The following TRABD2B variants were observed in gnomAD, a reference collection of about 807,000 sequenced individuals.
TRABD2B encodes the protein TraB domain containing 2B.
In TRABD2B, 14 loss-of-function variants were observed where a neutral mutation model predicts 40.1. The ratio of observed to expected loss-of-function variants is 0.35; its 90% confidence interval spans 0.23 to 0.55. TRABD2B has a LOEUF of 0.55. Among genes scored for constraint, TRABD2B ranks in the 20% least tolerant of loss-of-function variants. The pLI is 0.90. For missense variants in TRABD2B, 541 were observed against 648.6 expected, an observed-to-expected ratio of 0.83 and a Z score of 1.80; for synonymous variants, 263 against 277.0, an observed-to-expected ratio of 0.95 and a Z score of 0.50.
At chr1:47,885,888 G>A (rs922336978) in intron 2 of TRABD2B, among the ~76,000 whole-genome samples, 3 of 152,156 alleles carry the variant, frequency 2.0e-5, no homozygotes, top group Non-Finnish European at 4.4e-5. Flanking sequence ...CTCATGCTCC[G>A]TTACCAAATG....
At chr1:47,769,087 C>A (rs1456961324) in intron 6 of TRABD2B, among the ~76,000 whole-genome samples, 1 of 152,230 alleles carries the variant, frequency 6.6e-6, no homozygotes, top group Non-Finnish European at 1.5e-5. Flanking sequence ...CTCATCTGGC[C>A]TCAGCCCCTG....
At chr1:47,816,308 G>A (rs1187878067) in intron 2 of TRABD2B, among the ~76,000 whole-genome samples, 2 of 152,064 alleles carry the variant, frequency 1.3e-5, no homozygotes, top group South Asian at 2.1e-4. Flanking sequence ...GTGAGACCAC[G>A]GCACTCTCCC....
chr1:47,962,180 G>A (rs574718269), intron 2 of TRABD2B, among the ~76,000 whole-genome samples: 36 of 151,648 alleles, frequency 2.4e-4, no homozygotes, highest in East Asian at 5.9e-4. Flanking sequence ...ACTTGGACAC[G>A]GGAAGGGGAA....
chr1:47,992,236 G>C (rs1646022586), intron 2 of TRABD2B, among the ~76,000 whole-genome samples: 1 of 152,180 alleles, frequency 6.6e-6, no homozygotes, highest in Non-Finnish European at 1.5e-5. Flanking sequence ...TCAAACATGA[G>C]CTTTGGAGAC....
intron 2 of TRABD2B, among the ~76,000 whole-genome samples, chr1:47,831,595 C>T (rs2211197): frequency 0.26 from 39,201 of 151,898 alleles, 5,374 homozygotes; most frequent in Non-Finnish European, 0.3. Flanking sequence ...GGTGATCACT[C>T]CCCCCTCTCT....
intron 2 of TRABD2B, among the ~76,000 whole-genome samples, chr1:47,828,154 C>T (rs552067516): frequency 5.9e-5 from 9 of 152,288 alleles, no homozygotes; most frequent in Non-Finnish European, 1.0e-4. Context: ...ACAGTAGGTG[C>T]GACCTAGATA....
chr1:47,786,378 G>A (rs1569930636), intron 4 of TRABD2B, among the ~76,000 whole-genome samples: 1 of 152,342 alleles, frequency 6.6e-6, no homozygotes, highest in East Asian at 1.9e-4. Context: ...CTGTCCTGGG[G>A]TGTGGGCACT....
At chr1:47,801,248 A>C (rs1191378194) in intron 3 of TRABD2B, among the ~76,000 whole-genome samples, 4 of 152,280 alleles carry the variant, frequency 2.6e-5, no homozygotes, top group Middle Eastern at 3.4e-3. Context: ...AGCCACATAG[A>C]TCTGGCTCAA....
chr1:47,840,598 T>C (rs1570097716), intron 2 of TRABD2B, among the ~76,000 whole-genome samples: 2 of 152,200 alleles, frequency 1.3e-5, no homozygotes, highest in African/African-American at 4.8e-5. Context: ...GTGGCCCTGG[T>C]GGCTATCGAG....
At chr1:47,787,772 G>GCATTCATTCATTCATTCAAT (rs1644616373) in intron 4 of TRABD2B, among the ~76,000 whole-genome samples, 1 of 151,728 alleles carries the variant, frequency 6.6e-6, no homozygotes, top group Non-Finnish European at 1.5e-5. Flanking sequence ...CAGGGTTGGT[G>GCATTCATTCATTCATTCAAT]CATTCATTCA....
rs927782310 is a variant in TRABD2B, at chr1:47,824,419, A to G, written c.667-22800T>C. On this transcript the variant is annotated intron_variant, in intron 2 of 6. Transcript: ENST00000606738. The stretch of plus-strand genomic sequence containing the variant: ...ACTGACCACTCACTTTGTGCTGTAC[A>G]TGCCCTTCATCCCATGCTGTAACTG... 3.3e-5 allele frequency among the ~76,000 whole-genome samples: 5 copies of G among 152,196 alleles called. No homozygotes were observed. The East Asian group carries it at 9.6e-4, about 29-fold the overall frequency.
intron 6 of TRABD2B, among the ~76,000 whole-genome samples, chr1:47,769,319 A>G (rs950411167): frequency 6.6e-6 from 1 of 152,196 alleles, no homozygotes; most frequent in Non-Finnish European, 1.5e-5. Flanking sequence ...GTGCCCCTTG[A>G]GGTGCCCGGA....
intron 2 of TRABD2B, among the ~76,000 whole-genome samples, chr1:47,966,332 G>GC (rs1645602754): frequency 6.6e-6 from 1 of 152,190 alleles, no homozygotes; most frequent in African/African-American, 2.4e-5. Context: ...CTCTTGACTT[G>GC]CCCAGCTGTC....
At chr1:47,768,794 C>T (rs763987198) in intron 6 of TRABD2B, among the ~76,000 whole-genome samples, 1 of 152,210 alleles carries the variant, frequency 6.6e-6, no homozygotes, top group East Asian at 1.9e-4. Flanking sequence ...ATAACACCTT[C>T]CACTTATAGA....
rs912073568 is a variant in TRABD2B, at chr1:47,975,059, T to G, written c.666+18975A>C. On this transcript the variant is annotated intron_variant, in intron 2 of 6. Transcript: ENST00000606738. ...CAGCCAAGTGGATTCTAAGAAGGGA[T>G]GATAAGTAAACGTGATACAGTACCC... Among the ~76,000 whole-genome samples the G allele has an allele frequency of 3.9e-5, 6 of 152,072 alleles. No homozygotes were observed. The South Asian group carries it at 1.2e-3, about 32-fold the overall frequency.
intron 4 of TRABD2B, among the ~76,000 whole-genome samples, chr1:47,789,651 A>C (rs1644643813): frequency 6.6e-6 from 1 of 152,162 alleles, no homozygotes; most frequent in South Asian, 2.1e-4. Flanking sequence ...TACTTCAGAC[A>C]GTGGTGCTCT....
chr1:47,931,160 G>A (rs760892476), intron 2 of TRABD2B, among the ~76,000 whole-genome samples: 1 of 152,318 alleles, frequency 6.6e-6, no homozygotes. Context: ...ATGAGCTAAC[G>A]AATGAATGAT....
chr1:47,782,984 C>T (rs1215204405), intron 4 of TRABD2B, among the ~76,000 whole-genome samples: 1 of 152,186 alleles, frequency 6.6e-6, no homozygotes, highest in East Asian at 1.9e-4. Context: ...TCCATTTCAT[C>T]TGCTGAGGCC....
In TRABD2B at chr1:47,949,485, G is replaced by A. The variant is rs1321784233; in HGVS notation, c.666+44549C>T. 2.3e-5 allele frequency among the ~76,000 whole-genome samples: 3 copies of A among 133,282 alleles called. No individual in the cohort carries two copies. In the East Asian group the frequency reaches 6.7e-4, roughly 30 times the overall value. The allele number at this position is 133,282 out of a possible 152,430, so 87.4% of individuals were successfully genotyped here. On this transcript the variant is annotated intron_variant, in intron 2 of 6. Transcript: ENST00000606738. ...TGCAGTGGTGCGATCTTGTCTCACT[G>A]CAACCTCTGCCTCCCGGGTTCAAGT...
Sources: allele counts gnomAD v4.1 joint callset (sites outside exome capture counted in the v4.1 genomes callset), GRCh38; gene constraint gnomAD v4.1.1; transcripts MANE v1.5; gene names NCBI Gene and HGNC (gene_info 2026-07-23, HGNC 2026-07-21).